Variants in GSDMA observed in about 807,000 individuals in gnomAD.
The protein encoded by GSDMA is gasdermin-A.
GSDMA carries 55 observed loss-of-function variants against 54.3 expected under a neutral mutation model. The observed-to-expected ratio is 1.01, with a 90% CI of 0.82 to 1.27. The LOEUF (loss-of-function observed/expected upper bound fraction) is 1.27, where lower values mean the gene tolerates loss of function less well. Among genes scored for constraint, GSDMA ranks in the 50% most tolerant of loss-of-function variants. GSDMA has a pLI of 0.00. For synonymous variants in GSDMA, 211 were observed against 224.7 expected, an observed-to-expected ratio of 0.94 and a Z score of 0.54; for missense variants, 542 against 542.6, an observed-to-expected ratio of 1.00 and a Z score of 0.01.
At chr17:39,976,656 C>A (rs958932821) in intron 11 of GSDMA, among the ~76,000 whole-genome samples, 160 bp from the exon 12 acceptor site, 1 of 152,156 alleles carries the variant, frequency 6.6e-6, no homozygotes, top group Admixed American at 6.5e-5. Context: ...CAATGTGCTG[C>A]CCACTGTATA....
chr17:39,970,767 C>G, intron 4 of GSDMA, 120 bp downstream of exon 4: 9 of 915,718 alleles, frequency 9.8e-6, no homozygotes, highest in Non-Finnish European at 1.3e-5. Flanking sequence ...CAGCGCCCAC[C>G]GAGGATGCTG....
At chr17:39,965,264 A>G (rs141226481) in intron 1 of GSDMA, among the ~76,000 whole-genome samples, 56,298 of 133,322 alleles carry the variant, frequency 0.42, 12,607 homozygotes, top group East Asian at 0.54. Flanking sequence ...GAGGGAGAGA[A>G]AGAAAGAAGG....
At chr17:39,966,831 AG>A (rs926727310) in intron 3 of GSDMA, among the ~76,000 whole-genome samples, 4 of 152,276 alleles carry the variant, frequency 2.6e-5, no homozygotes, top group African/African-American at 4.8e-5. Context: ...TAGAAAAAGG[AG>A]GGATGTGTCT....
intron 3 of GSDMA, among the ~76,000 whole-genome samples, chr17:39,967,480 C>A (rs986333456): frequency 6.6e-6 from 1 of 152,100 alleles, no homozygotes; most frequent in Non-Finnish European, 1.5e-5. Context: ...GCGAGTAGAA[C>A]GAGCAGGAAA....
intron 1 of GSDMA, among the ~76,000 whole-genome samples, chr17:39,965,216 GGAAA>G (rs200356526): frequency 0.042 from 5,335 of 126,002 alleles, 407 homozygotes; most frequent in African/African-American, 0.15. Flanking sequence ...GAAAGAAAGA[GGAAA>G]GAAAGAAAGA....
rs779334794 is a variant in GSDMA at position 39,966,380 on chromosome 17, C to T, written c.335C>T (p.Thr112Ile). ...ACGGCAGGGCTCTCGCAGAACAGCA[C>T]TCTGGAGGTCCAGACACTCAGTGTG... The part of the protein sequence containing the change: ...KGTAGLSQNS[T>I]LEVQTLSVAP... The change falls in exon 3 of 12, where the codon ACT (threonine) becomes ATT (isoleucine). Residue 112 changes from threonine (T) to isoleucine (I), a missense_variant. Thr to Ile is a moderately conservative substitution (Grantham distance 89). Coordinates refer to ENST00000301659, the MANE Select transcript of GSDMA (RefSeq NM_178171.5). The T allele has an allele frequency of 1.9e-6, 3 of 1,613,692 alleles. No individual in the cohort carries two copies. The highest frequency in any genetic ancestry group is 2.5e-6 in the Non-Finnish European group (3 of 1,179,824).
rs533551153 is a variant in GSDMA, at chr17:39,966,281, T to C, written c.236T>C (p.Phe79Ser). Residue 79 changes from phenylalanine to serine, a missense_variant, in exon 3 of 12, where the codon TTT (phenylalanine) becomes TCT (serine). Physicochemically the swap from Phe to Ser is radical, Grantham distance 155. Coordinates refer to ENST00000301659, the MANE Select transcript of GSDMA (RefSeq NM_178171.5). ...SPSDPTDTGN[F>S]GFKNMLDTRV... ...GCAGACCCAACAGACACTGGGAATT[T>C]TGGCTTTAAGAATATGCTGGACACC... is the stretch of plus-strand genomic sequence containing the variant. 5 of 1,613,924 alleles carry C rather than the reference T, an allele frequency of 3.1e-6. No homozygotes were observed. The highest frequency in any genetic ancestry group is 2.2e-5 in the South Asian group (2 of 91,078).
chr17:39,968,260 G>A (rs1979758957), intron 3 of GSDMA, among the ~76,000 whole-genome samples: 1 of 148,126 alleles, frequency 6.8e-6, no homozygotes, highest in Admixed American at 6.8e-5. Flanking sequence ...GGCTGGTCTT[G>A]TACTCCTGAC....
Position 39,972,614 on chromosome 17 carries a change from G to GT in GSDMA, c.730+2dup, listed in dbSNP as rs1980005351. The stretch of plus-strand genomic sequence containing the variant: ...AAGTCAGGAGAGGAGAAGGTCATCC[G>GT]TAAGTGTTTCCTTTCATTCCACTGA... On this transcript the variant is annotated splice_donor_variant, in intron 7 of 11. Coordinates refer to ENST00000301659, the MANE Select transcript of GSDMA (RefSeq NM_178171.5). LOFTEE classifies it high-confidence loss of function. The GT allele has an allele frequency of 1.9e-6, 3 of 1,611,646 alleles. No individual in the cohort carries two copies. Among genetic ancestry groups the GT allele is most frequent in the Non-Finnish European group, 2.5e-6 (3 of 1,178,662 alleles).
chr17:39,970,174 G>A (rs1979866898), intron 3 of GSDMA, among the ~76,000 whole-genome samples: 1 of 152,178 alleles, frequency 6.6e-6, no homozygotes, highest in Non-Finnish European at 1.5e-5. Context: ...TGGAGGAAAA[G>A]GGGGTAAGAA....
chr17:39,973,752 T>C (rs1980066757), intron 7 of GSDMA, 58 bp from the exon 8 acceptor site: 1 of 1,445,546 alleles, frequency 6.9e-7, no homozygotes, highest in Non-Finnish European at 9.7e-7. Context: ...AACCCCTGGG[T>C]ATGGCTGCCA....
At chr17:39,972,984 T>C (rs555281677) in intron 7 of GSDMA, among the ~76,000 whole-genome samples, 6 of 152,090 alleles carry the variant, frequency 3.9e-5, no homozygotes, top group African/African-American at 1.4e-4. Flanking sequence ...AAAAAAATTT[T>C]TTTTTGGATG....
Position 39,965,161 on chromosome 17 carries a change from GAGGGAAGGAAGGA to G in GSDMA, c.-5-505_-5-493del, listed in dbSNP as rs894915643. Among the ~76,000 whole-genome samples the G allele has an allele frequency of 2.0e-4, 30 of 148,560 alleles. No homozygotes were observed. The South Asian group carries it at 4.3e-3, about 21-fold the overall frequency. The stretch of plus-strand genomic sequence containing the variant: ...AAGCAAAGCAAGGAAAGGCGAGGTG[GAGGGAAGGAAGGA>G]AGGGAAGGAAGGAAGGAAGGGAGAG... On this transcript the variant is annotated intron_variant, in intron 1 of 11. Transcript: ENST00000301659.
In GSDMA at chr17:39,975,933, A is replaced by T. The variant is rs764163953; in HGVS notation, c.1031A>T (p.Glu344Val). 6.3e-7 allele frequency: 1 copy of T among 1,598,396 alleles called. No individual in the cohort carries two copies. The highest frequency in any genetic ancestry group is 8.5e-7 in the Non-Finnish European group (1 of 1,172,126). Residue 344 changes from glutamate (E) to valine (V), a missense_variant, in exon 11 of 12, where the codon GAA (glutamate) becomes GTA (valine). Physicochemically the swap from Glu to Val is moderately radical, Grantham distance 121 (BLOSUM62 -2). Transcript: ENST00000301659. ...TGCTTTTTTTCTCCAGAGCTAAGTG[A>T]AGCCCAACAGAAGCTGCTGGTGAAA... ...YFVGALTELS[E>V]AQQKLLVKSM...
Position 39,972,578 on chromosome 17 carries a change from T to TG in GSDMA, c.704-8dup, listed in dbSNP as rs748026236. On this transcript the variant is annotated splice_polypyrimidine_tract_variant and intron_variant, in intron 6 of 11. Transcript: ENST00000301659. ...TGTGCTGACAGATGTGCATTTTTTC[T>TG]GTCTTCAGAAAAGTCAGGAGAGGAG... 25 of 1,612,820 alleles carry TG rather than the reference T, an allele frequency of 1.6e-5. No homozygotes were observed. The highest frequency in any genetic ancestry group is 2.7e-5 in the African/African-American group (2 of 74,942).
At chr17:39,965,273 G>A (rs35045695) in intron 1 of GSDMA, among the ~76,000 whole-genome samples, 58,103 of 136,742 alleles carry the variant, frequency 0.42, 13,013 homozygotes, top group East Asian at 0.55. Context: ...AAAGAAAGAA[G>A]GAAGGAAGGA....
At chr17:39,967,171 T>C (rs1568128305) in intron 3 of GSDMA, among the ~76,000 whole-genome samples, 3 of 152,194 alleles carry the variant, frequency 2.0e-5, no homozygotes, top group Admixed American at 2.0e-4. Flanking sequence ...TCCAAGAACC[T>C]TGCAGTCTAG....
At chr17:39,965,993 C>A in intron 2 of GSDMA, 92 bp downstream of exon 2, 1 of 1,214,786 alleles carries the variant, frequency 8.2e-7, no homozygotes, top group Non-Finnish European at 1.2e-6. Context: ...CTCCCTCTGG[C>A]CAGAGGTGAT....
chr17:39,972,644 T>G, intron 7 of GSDMA, 31 bp downstream of exon 7: 1 of 1,598,336 alleles, frequency 6.3e-7, no homozygotes, highest in Non-Finnish European at 8.6e-7. Flanking sequence ...CACTGAAACT[T>G]TCTTGACTCC....
Sources: allele counts gnomAD v4.1 joint callset (sites outside exome capture counted in the v4.1 genomes callset), GRCh38; gene constraint gnomAD v4.1.1; transcripts MANE v1.5; gene names NCBI Gene and HGNC (gene_info 2026-07-23, HGNC 2026-07-21).